DMD: variants seen among roughly 807,000 people sequenced by gnomAD.
The protein encoded by DMD is mutant dystrophin.
DMD carries 63 observed loss-of-function variants against 330.1 expected under a neutral mutation model. The ratio of observed to expected loss-of-function variants is 0.19; its 90% confidence interval spans 0.16 to 0.24. The LOEUF (loss-of-function observed/expected upper bound fraction) is 0.24, where lower values mean the gene tolerates loss of function less well. Among genes scored for constraint, DMD ranks in the 10% least tolerant of loss-of-function variants. The pLI, the probability that DMD is intolerant of heterozygous loss-of-function variation, is 1.00. For synonymous variants in DMD, 1,223 were observed against 959.8 expected, an observed-to-expected ratio of 1.27 and a Z score of -5.07; for missense variants, 3,344 against 2,684.1, an observed-to-expected ratio of 1.25 and a Z score of -5.43.
chrX:32,318,367 C>A (rs1360134485), intron 41 of DMD, among the ~76,000 whole-genome samples: 1 of 111,494 alleles, frequency 9.0e-6, no homozygotes, highest in Non-Finnish European at 1.9e-5. Flanking sequence ...CAACATGATG[C>A]AGGTGAGACG....
At chrX:32,659,478 T>G (rs1270955481) in intron 9 of DMD, among the ~76,000 whole-genome samples, 1 of 110,610 alleles carries the variant, frequency 9.0e-6, no homozygotes, top group African/African-American at 3.3e-5. Flanking sequence ...TATAAATAAC[T>G]AGTGAGCTAA....
chrX:32,251,533 C>A (rs750249144), intron 43 of DMD, among the ~76,000 whole-genome samples: 2 of 111,708 alleles, frequency 1.8e-5, no homozygotes, highest in African/African-American at 6.5e-5. Flanking sequence ...ACTAATAGCT[C>A]CATTAACATA....
At chrX:32,714,018 T>C (rs1045031824) in intron 7 of DMD, among the ~76,000 whole-genome samples, 2 of 111,980 alleles carry the variant, frequency 1.8e-5, no homozygotes, top group South Asian at 3.7e-4. Flanking sequence ...TGTAATGCAT[T>C]GAGCACAGTA....
intron 16 of DMD, among the ~76,000 whole-genome samples, chrX:32,558,566 A>G (rs1051613790): frequency 2.9e-4 from 32 of 111,590 alleles, no homozygotes; most frequent in South Asian, 7.4e-4. Flanking sequence ...GGATGTTATT[A>G]TCATTATTTT....
chrX:32,632,349 G>A (rs2058788199), intron 11 of DMD, among the ~76,000 whole-genome samples: 1 of 111,791 alleles, frequency 8.9e-6, no homozygotes, highest in Non-Finnish European at 1.9e-5. Context: ...GGTGCTGAGT[G>A]TGTGTTTCAT....
intron 1 of DMD, among the ~76,000 whole-genome samples, chrX:33,271,715 G>A (rs1414018420): frequency 4.1e-5 from 4 of 98,398 alleles, no homozygotes; most frequent in South Asian, 5.3e-4. Context: ...GTGGTGAGCC[G>A]AGATAGTGCC....
chrX:33,065,839 C>T lies in DMD; in HGVS notation c.32-45639G>A, dbSNP rs1320916773. Among the ~76,000 whole-genome samples the T allele has an allele frequency of 9.8e-5, 11 of 111,936 alleles. No individual in the cohort carries two copies. In the East Asian group the frequency reaches 2.8e-3, roughly 29 times the overall value. On this transcript the variant is annotated intron_variant, in intron 1 of 78. Coordinates refer to ENST00000357033, the MANE Select transcript of DMD (RefSeq NM_004006.3). ...TAATAGTATGCAAGGGCAATGCTAC[C>T]TCCTTCGACCTGGTGTAAAATTCCT...
chrX:32,979,648 A>C (rs2092648880), intron 2 of DMD, among the ~76,000 whole-genome samples: 2 of 112,000 alleles, frequency 1.8e-5, no homozygotes, highest in African/African-American at 6.5e-5. Flanking sequence ...AAAACCACAA[A>C]CACCAGGAGT....
chrX:31,218,520 A>G (rs1198269470), intron 64 of DMD, among the ~76,000 whole-genome samples: 1 of 111,633 alleles, frequency 9.0e-6, no homozygotes, highest in Non-Finnish European at 1.9e-5. Flanking sequence ...CCCTTTAAAC[A>G]CCAGTTAAAC....
intron 45 of DMD, among the ~76,000 whole-genome samples, chrX:31,958,729 T>TCAGTACCTTATTGAGAAGCAGTTAGAG (rs2095271253): frequency 8.9e-6 from 1 of 112,054 alleles, no homozygotes; most frequent in Admixed American, 9.4e-5. Context: ...AGCAGTTAGT[T>TCAGTACCTTATTGAGAAGCAGTTAGAG]CAATGGAGAT....
chrX:32,177,953 G>T (rs895353743), intron 44 of DMD, among the ~76,000 whole-genome samples: 1 of 110,676 alleles, frequency 9.0e-6, no homozygotes, highest in Non-Finnish European at 1.9e-5. Context: ...AGAGATTTGG[G>T]CAATAAAGAG....
intron 60 of DMD, among the ~76,000 whole-genome samples, chrX:31,432,485 T>C (rs1321036699): frequency 8.9e-6 from 1 of 112,677 alleles, no homozygotes; most frequent in Non-Finnish European, 1.9e-5. Flanking sequence ...TTAACATTTT[T>C]ATAACATTTG....
At chrX:32,591,758 C>T (rs759993796) in intron 13 of DMD, among the ~76,000 whole-genome samples, 1 of 112,781 alleles carries the variant, frequency 8.9e-6, no homozygotes, top group Non-Finnish European at 1.9e-5. Flanking sequence ...CTTCCAGGTG[C>T]AGCTGCAGCC....
chrX:33,051,379 T>C (rs1219281596), intron 1 of DMD, among the ~76,000 whole-genome samples: 1 of 107,688 alleles, frequency 9.3e-6, no homozygotes, highest in African/African-American at 3.4e-5. Context: ...GCCTGGCTAA[T>C]TGTTGTATTT....
chrX:33,324,185 C>T (rs2054055825), intron 1 of DMD, among the ~76,000 whole-genome samples: 1 of 111,117 alleles, frequency 9.0e-6, no homozygotes, highest in Admixed American at 9.6e-5. Flanking sequence ...CAACTTATTT[C>T]GGAGGTGATC....
intron 2 of DMD, among the ~76,000 whole-genome samples, chrX:32,906,506 G>A (rs752432497): frequency 2.7e-5 from 3 of 111,992 alleles, no homozygotes; most frequent in Non-Finnish European, 5.6e-5. Flanking sequence ...TAGACACCGA[G>A]GGACTTGAAA....
intron 29 of DMD, among the ~76,000 whole-genome samples, chrX:32,420,733 T>C (rs2098186223): frequency 8.9e-6 from 1 of 111,859 alleles, no homozygotes; most frequent in Admixed American, 9.5e-5. Context: ...CTTAATATGA[T>C]GTATGGGAAG....
chrX:32,433,966 A>G (rs1016839714), intron 29 of DMD, among the ~76,000 whole-genome samples: 1 of 112,057 alleles, frequency 8.9e-6, no homozygotes, highest in African/African-American at 3.2e-5. Flanking sequence ...TACTGTGAGT[A>G]GAAAATATAG....
At chrX:32,554,668 T>C (rs927167950) in intron 16 of DMD, among the ~76,000 whole-genome samples, 1 of 107,699 alleles carries the variant, frequency 9.3e-6, no homozygotes, top group Non-Finnish European at 1.9e-5. Context: ...GATGGAATCA[T>C]AGCTGAATTC....
Sources: allele counts gnomAD v4.1 joint callset (sites outside exome capture counted in the v4.1 genomes callset), GRCh38; gene constraint gnomAD v4.1.1; transcripts MANE v1.5; gene names NCBI Gene and HGNC (gene_info 2026-07-23, HGNC 2026-07-21).